Variants in RYR1 observed in about 807,000 individuals in gnomAD.
The protein encoded by RYR1 is central core disease of muscle.
Under a neutral mutation model 583.5 loss-of-function variants are expected in RYR1, and 342 were observed. The ratio of observed to expected loss-of-function variants is 0.59; its 90% confidence interval spans 0.54 to 0.64. The LOEUF is 0.64. Ranked by LOEUF, RYR1 falls within the 30% of genes least tolerant of loss-of-function variation. The pLI is 0.00. For synonymous variants in RYR1, 2,791 were observed against 2,822.5 expected (o/e 0.99, Z 0.35); for missense variants, 6,032 against 6,917.2 (o/e 0.87, Z 4.54).
Position 38,512,544 on chromosome 19 carries a change from C to A in RYR1, c.9472+61C>A. 1.3e-6 allele frequency: 2 copies of A among 1,486,668 alleles called. No individual in the cohort carries two copies. Among genetic ancestry groups the A allele is most frequent in the Non-Finnish European group, 1.9e-6 (2 of 1,076,614 alleles). 92.1% of individuals were successfully genotyped at this position (1,486,668 alleles called of 1,614,324 possible). ...GTCAGTGTGGCCAACACCACCCATC[C>A]GGGTGCCTGTGAGAGTCCCTGGGTG... On this transcript the variant is annotated intron_variant, in intron 63 of 105. Coordinates refer to ENST00000359596, the MANE Select transcript of RYR1 (RefSeq NM_000540.3). The surrounding 1 kb of genome is among the most constrained non-coding windows in gnomAD (Gnocchi z 5.1).
At chr19:38,475,230 T>C in intron 28 of RYR1, 88 bp from the exon 29 acceptor site, 1 of 1,528,078 alleles carries the variant, frequency 6.5e-7, no homozygotes, top group South Asian at 1.2e-5. Context: ...GCAGGGTGTA[T>C]CCAAGCTGGA....
At chr19:38,516,256 A>G (rs1418839803) in intron 65 of RYR1, 39 bp downstream of exon 65, 2 of 1,570,042 alleles carry the variant, frequency 1.3e-6, no homozygotes, top group Non-Finnish European at 1.7e-6. Context: ...GGGAGTCCAA[A>G]TCTCCCCAGC....
intron 89 of RYR1, among the ~76,000 whole-genome samples, chr19:38,550,829 T>G: frequency 6.6e-6 from 1 of 152,136 alleles, no homozygotes; most frequent in African/African-American, 2.4e-5. Flanking sequence ...CTGCTAACTC[T>G]GGGGTCATCA....
At chr19:38,523,953 C>G in intron 70 of RYR1, 24 bp downstream of exon 70, 1 of 1,613,688 alleles carries the variant, frequency 6.2e-7, no homozygotes, top group Non-Finnish European at 8.5e-7. Flanking sequence ...CTGGGACCTT[C>G]CGCATGTCTC....
chr19:38,586,105 C>G lies in RYR1; in HGVS notation c.14883C>G (p.Ile4961Met), dbSNP rs534054829. The G allele has an allele frequency of 1.2e-6, 2 of 1,614,200 alleles. No individual in the cohort carries two copies. The highest frequency in any genetic ancestry group is 1.7e-5 in the Admixed American group (1 of 60,000). ...VKEDMETKCF[I>M]CGIGSDYFDT... is the part of the protein sequence containing the mutation. ...GCCACTCACAGACCAAGTGCTTCAT[C>G]TGTGGAATCGGCAGTGACTACTTTG... Residue 4961 changes from isoleucine (I) to methionine (M), a missense_variant, in exon 104 of 106, where the codon ATC (isoleucine) becomes ATG (methionine). Transcript: ENST00000359596.
intron 99 of RYR1, among the ~76,000 whole-genome samples, chr19:38,578,938 C>T (rs1035290226): frequency 6.6e-5 from 10 of 151,356 alleles, no homozygotes; most frequent in African/African-American, 1.2e-4. Context: ...TTTGTAGAGA[C>T]GGTGAAACCC....
chr19:38,576,183 G>A (rs1973949212), intron 97 of RYR1, among the ~76,000 whole-genome samples: 1 of 152,228 alleles, frequency 6.6e-6, no homozygotes, highest in Non-Finnish European at 1.5e-5. Flanking sequence ...GCCAAGCGTG[G>A]TGGCTCACGC....
Position 38,483,664 on chromosome 19 carries a change from C to T in RYR1, c.4934+148C>T, listed in dbSNP as rs1969132123. 4.3e-6 allele frequency: 3 copies of T among 697,760 alleles called. No individual in the cohort carries two copies. Among genetic ancestry groups the T allele is most frequent in the South Asian group, 1.7e-5 (1 of 57,252 alleles). The allele number at this position is 697,760 out of a possible 1,614,324, so 43.2% of individuals were successfully genotyped here. A position where few individuals can be genotyped will look rare whatever the true frequency, so the allele number is the denominator to read the frequency against. Reference sequence around the variant, plus strand: ...AGACCTACCTCAGGGGACTCGGGCTCAGCTCAGACATCCCCAGATTATGTC... The same window carrying T: ...AGACCTACCTCAGGGGACTCGGGCTTAGCTCAGACATCCCCAGATTATGTC... On this transcript the variant is annotated intron_variant, in intron 33 of 105. Transcript: ENST00000359596. This position sits in a 1 kb window ranked among gnomAD's most constrained non-coding sequence, Gnocchi z 6.3.
At position 38,571,753 on chromosome 19, in the gene RYR1, A is replaced by G. The variant is rs185278862; in HGVS notation, c.13747-266A>G. Among the ~76,000 whole-genome samples the G allele has an allele frequency of 2.2e-3, 328 of 152,306 alleles. 1 individual carries two copies. The highest frequency in any genetic ancestry group is 3.4e-3 in the Non-Finnish European group (230 of 68,034). ...TACTAATTTTCATGTTAGTGTTAATATTAGTGGGCAGTCTCTTTAGGGCTC... is the reference window on the plus strand; with the variant it reads ...TACTAATTTTCATGTTAGTGTTAATGTTAGTGGGCAGTCTCTTTAGGGCTC... On this transcript the variant is annotated intron_variant, in intron 94 of 105. Coordinates refer to ENST00000359596, the MANE Select transcript of RYR1 (RefSeq NM_000540.3).
intron 97 of RYR1, 72 bp from the exon 98 acceptor site, chr19:38,577,846 A>G: frequency 6.2e-7 from 1 of 1,600,130 alleles, no homozygotes; most frequent in Non-Finnish European, 8.5e-7. Flanking sequence ...GTGTCCCCAG[A>G]ACCCCCTTGC....
intron 17 of RYR1, 78 bp from the exon 18 acceptor site, chr19:38,457,973 C>A: frequency 6.9e-7 from 1 of 1,457,416 alleles, no homozygotes. Flanking sequence ...GGATGTCTGT[C>A]TCTCTCTGGC....
At position 38,502,491 on chromosome 19, in the gene RYR1, T is replaced by C. The variant is rs531952099; in HGVS notation, c.7615-16T>C. The C allele has an allele frequency of 6.2e-7, 1 of 1,600,672 alleles. No homozygotes were observed. Among genetic ancestry groups the C allele is most frequent in the South Asian group, 1.1e-5 (1 of 89,422 alleles). On this transcript the variant is annotated splice_polypyrimidine_tract_variant and intron_variant, in intron 47 of 105. Coordinates refer to ENST00000359596, the MANE Select transcript of RYR1 (RefSeq NM_000540.3). ...GGGGTGTGCAGCGGGCCTGATGTCC[T>C]CACCCTGCGCCCTAGGCCACTTTCA...
In RYR1 at chr19:38,565,077, C is replaced by G; in HGVS notation, c.12743C>G (p.Ala4248Gly). 6.4e-7 allele frequency: 1 copy of G among 1,558,072 alleles called. No homozygotes were observed. The highest frequency in any genetic ancestry group is 8.7e-7 in the Non-Finnish European group (1 of 1,153,278). ...ACCATCTTCGAGATGCAGATCGCCGCGCAGATCTCGGAGCCCGAGGGCGAG... is the reference window on the plus strand; with the variant it reads ...ACCATCTTCGAGATGCAGATCGCCGGGCAGATCTCGGAGCCCGAGGGCGAG... Reference protein sequence around the residue: ...EDTIFEMQIAAQISEPEGEPE... With the variant: ...EDTIFEMQIAGQISEPEGEPE... The change falls in exon 91 of 106, where the codon GCG becomes GGG. Residue 4248 changes from alanine to glycine, a missense_variant. Coordinates refer to ENST00000359596, the MANE Select transcript of RYR1 (RefSeq NM_000540.3). This position sits in a 1 kb window ranked among gnomAD's most constrained non-coding sequence, Gnocchi z 4.7.
At chr19:38,469,207 C>A in intron 26 of RYR1, 67 bp downstream of exon 26, 3 of 1,607,652 alleles carry the variant, frequency 1.9e-6, no homozygotes, top group Non-Finnish European at 2.6e-6. Flanking sequence ...CCTGCACTGC[C>A]CTTCTGCCTC....
chr19:38,439,450 C>T (rs533645813), intron 1 of RYR1, among the ~76,000 whole-genome samples: 3 of 151,604 alleles, frequency 2.0e-5, no homozygotes, highest in East Asian at 2.0e-4. Context: ...CCACCTGCCT[C>T]GGCCTCCCAA....
chr19:38,502,757 A>AGGGGCAGGCTTCAGGGT (rs1970207300), intron 48 of RYR1, 30 bp downstream of exon 48: 3 of 296,610 alleles, frequency 1.0e-5, no homozygotes, highest in Non-Finnish European at 1.7e-5. Flanking sequence ...AGGGTGGGGC[A>AGGGGCAGGCTTCAGGGT]GGGGCAGGGG....
chr19:38,585,926 C>T lies in RYR1; in HGVS notation c.14804-12C>T. ...CAGAGGTCGGGCACTGACTTGTGTC[C>T]TGCCACCCCAGGTCTGATCATCGAC... On this transcript the variant is annotated splice_polypyrimidine_tract_variant and intron_variant, in intron 102 of 105. Transcript: ENST00000359596. 1 of 1,614,014 alleles carries T rather than the reference C, an allele frequency of 6.2e-7. No individual in the cohort carries two copies. Among genetic ancestry groups the T allele is most frequent in the Non-Finnish European group, 8.5e-7 (1 of 1,180,004 alleles).
intron 95 of RYR1, 103 bp downstream of exon 95, chr19:38,572,373 G>T (rs1362866280): frequency 7.7e-7 from 1 of 1,295,266 alleles, no homozygotes; most frequent in African/African-American, 1.5e-5. Flanking sequence ...AAAGTGGTTG[G>T]GACAGAGGGG....
chr19:38,561,401 C>T lies in RYR1; in HGVS notation c.12571C>T (p.Arg4191Cys). The T allele has an allele frequency of 6.2e-7, 1 of 1,613,002 alleles. No homozygotes were observed. Among genetic ancestry groups the T allele is most frequent in the Non-Finnish European group, 8.5e-7 (1 of 1,180,010 alleles). ...CATGGGCGCGTCACGCCGCATCGAG[C>T]GCATCTACTTCGAGATCTCAGAGAC... ...EIMGASRRIE[R>C]IYFEISETNR... is the part of the protein sequence containing the mutation. The change falls in exon 90 of 106, where the codon CGC becomes TGC. Residue 4191 changes from arginine (R) to cysteine (C), a missense_variant. Physicochemically the swap from Arg to Cys is radical, Grantham distance 180. Around this residue, in one of 11 missense-constraint regions of RYR1, gnomAD observed 753 missense variants for 759.6 expected, o/e 0.99. Transcript: ENST00000359596. The surrounding 1 kb of genome is among the most constrained non-coding windows in gnomAD (Gnocchi z 4.8).
Sources: allele counts gnomAD v4.1 joint callset (sites outside exome capture counted in the v4.1 genomes callset), GRCh38; gene constraint gnomAD v4.1.1; regional missense constraint gnomAD v4.1.1; non-coding constraint Gnocchi (gnomAD v3.1); transcripts MANE v1.5; gene names NCBI Gene and HGNC (gene_info 2026-07-23, HGNC 2026-07-21).